Variants in AGBL4 observed in about 807,000 individuals in gnomAD.
AGBL4 encodes the protein AGBL carboxypeptidase 4, also known as cytosolic carboxypeptidase 6.
In AGBL4, 58 loss-of-function variants were observed where a neutral mutation model predicts 66.4. The ratio of observed to expected loss-of-function variants is 0.87; its 90% CI spans 0.71 to 1.09. AGBL4 has a LOEUF of 1.09. AGBL4 is among the 50% of genes least tolerant of loss of function. The pLI, the probability that AGBL4 is intolerant of heterozygous loss-of-function variation, is 0.00. For missense variants in AGBL4, 579 were observed against 631.0 expected, an observed-to-expected ratio of 0.92 and a Z score of 0.88; for synonymous variants, 234 against 222.9, an observed-to-expected ratio of 1.05 and a Z score of -0.44.
chr1:49,733,023 AG>A (rs1649573450), intron 2 of AGBL4, among the ~76,000 whole-genome samples: 1 of 152,178 alleles, frequency 6.6e-6, no homozygotes, highest in African/African-American at 2.4e-5. Context: ...AATATTAAAA[AG>A]GAAAAAAATT....
intron 3 of AGBL4, among the ~76,000 whole-genome samples, chr1:49,436,186 A>G (rs2148662528): frequency 6.6e-6 from 1 of 152,262 alleles, no homozygotes; most frequent in South Asian, 2.1e-4. Context: ...TCAGAAGATG[A>G]GCAAGGATAC....
chr1:49,410,181 G>C (rs1645287714), intron 3 of AGBL4, among the ~76,000 whole-genome samples: 1 of 152,166 alleles, frequency 6.6e-6, no homozygotes, highest in Non-Finnish European at 1.5e-5. Context: ...GTCCCTCATA[G>C]GGAGGGCAAA....
chr1:48,588,870 G>GA (rs1557810299), intron 10 of AGBL4, among the ~76,000 whole-genome samples: 4 of 151,916 alleles, frequency 2.6e-5, no homozygotes, highest in African/African-American at 9.7e-5. Flanking sequence ...GGGAAGAGAA[G>GA]AGACAGCAAT....
chr1:49,381,128 A>T (rs1487339102), intron 3 of AGBL4, among the ~76,000 whole-genome samples: 7 of 152,178 alleles, frequency 4.6e-5, no homozygotes, highest in Admixed American at 6.5e-5. Context: ...GAATCTACAA[A>T]GAACTCAAAC....
At chr1:49,401,053 A>G (rs1645074774) in intron 3 of AGBL4, among the ~76,000 whole-genome samples, 1 of 152,094 alleles carries the variant, frequency 6.6e-6, no homozygotes, top group Non-Finnish European at 1.5e-5. Context: ...CTTTTTCAGC[A>G]TTGTATTAGT....
Position 48,732,582 on chromosome 1 carries a change from T to A in AGBL4, c.635-69341A>T, listed in dbSNP as rs113381677. The stretch of plus-strand genomic sequence containing the variant: ...GACTGAGTGGCTGGGGAGGCCTCTC[T>A]CAGTGACAGGGAGGGAGGGCACGCA... On this transcript the variant is annotated intron_variant, in intron 6 of 13. Coordinates refer to ENST00000371839, the MANE Select transcript of AGBL4 (RefSeq NM_032785.4). Among the ~76,000 whole-genome samples the A allele has an allele frequency of 6.0e-3, 914 of 151,776 alleles. 13 individuals are homozygous for A. The highest frequency in any genetic ancestry group is 0.021 in the African/African-American group (873 of 41,164).
chr1:48,593,069 T>C (rs1644942268), intron 9 of AGBL4, among the ~76,000 whole-genome samples: 1 of 152,158 alleles, frequency 6.6e-6, no homozygotes, highest in East Asian at 1.9e-4. Flanking sequence ...TATAAAATAA[T>C]TTATAGTAAA....
At chr1:49,299,767 C>T (rs1339496476) in intron 3 of AGBL4, among the ~76,000 whole-genome samples, 4 of 152,196 alleles carry the variant, frequency 2.6e-5, no homozygotes, top group Middle Eastern at 6.8e-3. Context: ...CCAATGTAAT[C>T]TAGAGGTTTT....
intron 2 of AGBL4, among the ~76,000 whole-genome samples, chr1:49,728,971 G>A (rs1313848446): frequency 6.6e-6 from 1 of 152,166 alleles, no homozygotes; most frequent in African/African-American, 2.4e-5. Flanking sequence ...CACCTAGGGT[G>A]CCTCCATATT....
chr1:49,549,338 TC>T (rs1652770966), intron 3 of AGBL4, among the ~76,000 whole-genome samples: 1 of 152,078 alleles, frequency 6.6e-6, no homozygotes, highest in African/African-American at 2.4e-5. Flanking sequence ...TTTGGTTTGT[TC>T]TTATTTCTCT....
intron 10 of AGBL4, among the ~76,000 whole-genome samples, chr1:48,588,882 G>A (rs540458706): frequency 1.3e-5 from 2 of 152,128 alleles, no homozygotes; most frequent in African/African-American, 4.8e-5. Context: ...GACAGCAATT[G>A]GACCAGGACA....
At position 48,569,417 on chromosome 1, in the gene AGBL4, C is replaced by T. The variant is rs113232532; in HGVS notation, c.1267+17587G>A. The stretch of plus-strand genomic sequence containing the variant: ...CAGGTAGAAAAGTGAAAACCCAGAG[C>T]GGGAAAATGGAGTTACTGAGTTACA... On this transcript the variant is annotated intron_variant, in intron 11 of 13. Transcript: ENST00000371839. Among the ~76,000 whole-genome samples, 639 of 152,234 alleles carry T rather than the reference C, an allele frequency of 4.2e-3. 4 individuals are homozygous for T. The highest frequency in any genetic ancestry group is 0.014 in the African/African-American group (592 of 41,536).
intron 5 of AGBL4, among the ~76,000 whole-genome samples, chr1:49,031,484 T>C (rs991000829): frequency 1.3e-5 from 2 of 152,142 alleles, no homozygotes; most frequent in African/African-American, 4.8e-5. Flanking sequence ...TGGGAGAACA[T>C]ATTTGTAAAC....
intron 3 of AGBL4, among the ~76,000 whole-genome samples, chr1:49,510,151 T>C (rs191323973): frequency 5.1e-4 from 78 of 152,140 alleles, no homozygotes; most frequent in Non-Finnish European, 3.5e-4. Flanking sequence ...AAATAGAAAT[T>C]GAAGCTCCTG....
chr1:49,090,641 T>G (rs997739083), intron 4 of AGBL4, among the ~76,000 whole-genome samples: 1 of 152,162 alleles, frequency 6.6e-6, no homozygotes. Context: ...GATTCAATAT[T>G]GTTAAAGTGA....
intron 4 of AGBL4, among the ~76,000 whole-genome samples, chr1:49,075,000 T>C (rs1030838979): frequency 7.2e-5 from 11 of 152,132 alleles, no homozygotes; most frequent in African/African-American, 2.7e-4. Context: ...TATCTAGAAA[T>C]ATCAGAAAAA....
chr1:48,804,541 A>C (rs11205544), intron 6 of AGBL4, among the ~76,000 whole-genome samples: 123,909 of 151,762 alleles, frequency 0.82, 53,348 homozygotes, highest in Non-Finnish European at 0.96. Context: ...TCTCTCCCCC[A>C]ACACTGACCA....
rs114695370 is a variant in AGBL4 at position 49,215,034 on chromosome 1, C to T, written c.377+30736G>A. ...GATAGAAACTTGAGAAAGTAAAAAA[C>T]TCACTCCATTTTTCTCCACTGAAAT... On this transcript the variant is annotated intron_variant, in intron 4 of 13. Transcript: ENST00000371839. Among the ~76,000 whole-genome samples the T allele has an allele frequency of 7.3e-3, 1,108 of 152,200 alleles. 10 individuals are homozygous for T. The highest frequency in any genetic ancestry group is 0.029 in the South Asian group (138 of 4,820).
chr1:49,195,221 C>T (rs1647205568), intron 4 of AGBL4, among the ~76,000 whole-genome samples: 2 of 152,036 alleles, frequency 1.3e-5, no homozygotes, highest in African/African-American at 4.8e-5. Flanking sequence ...TTCTCTTCCT[C>T]TTTTGTGTAA....
Sources: gnomAD v4.1 joint callset for allele counts (sites outside exome capture counted in the v4.1 genomes callset) on GRCh38, gnomAD v4.1.1 for gene constraint, MANE v1.5 for transcripts, NCBI Gene and HGNC (gene_info 2026-07-23, HGNC 2026-07-21) for gene names.